The following DSG1 variants were observed in gnomAD, a reference collection of about 807,000 sequenced individuals.
DSG1 encodes desmoglein 1, also known as desmoglein-1.
Under a neutral mutation model 97.5 loss-of-function variants are expected in DSG1, and 39 were observed. The ratio of observed to expected loss-of-function variants is 0.40; its 90% CI spans 0.31 to 0.52. The LOEUF is 0.52. Among genes scored for constraint, DSG1 ranks in the 20% least tolerant of loss-of-function variants. The pLI, the probability that DSG1 is intolerant of heterozygous loss-of-function variation, is 0.53. For missense variants in DSG1, 1,311 were observed against 1,295.4 expected, an observed-to-expected ratio of 1.01 and a Z score of -0.18; for synonymous variants, 475 against 443.4, an observed-to-expected ratio of 1.07 and a Z score of -0.90.
At chr18:31,326,671 A>T (rs2071687691) in intron 2 of DSG1, 55 bp downstream of exon 2, 1 of 1,466,780 alleles carries the variant, frequency 6.8e-7, no homozygotes, top group Non-Finnish European at 9.5e-7. Flanking sequence ...ATAATTTGAG[A>T]ATAACAATAT....
In DSG1 at chr18:31,344,903, G is replaced by T. The variant is rs556884414; in HGVS notation, c.1891+908G>T. On this transcript the variant is annotated intron_variant, in intron 13 of 14. Coordinates refer to ENST00000257192, the MANE Select transcript of DSG1 (RefSeq NM_001942.4). Reference sequence around the variant, plus strand: ...ATTGTTTTCTACTTTAAACTAACAGGCATAGAAATGTGTATAACTTGTAGA... The same window carrying T: ...ATTGTTTTCTACTTTAAACTAACAGTCATAGAAATGTGTATAACTTGTAGA... Among the ~76,000 whole-genome samples, 60 of 152,152 alleles carry T rather than the reference G, an allele frequency of 3.9e-4. 1 individual carries two copies. In the Middle Eastern group the frequency reaches 0.01, roughly 26 times the overall value.
At chr18:31,328,381 T>A in intron 4 of DSG1, 37 bp downstream of exon 4, 1 of 1,587,070 alleles carries the variant, frequency 6.3e-7, no homozygotes, top group Non-Finnish European at 8.6e-7. Context: ...TGTTCATGCT[T>A]AAATTCTTCT....
In DSG1 at chr18:31,343,525, A is replaced by G. The variant is rs915767964; in HGVS notation, c.1763A>G (p.Glu588Gly). ...GCAGCTGGCTTTGAGCCTGTTCCCG[A>G]ATGTTCAGATGGAGCAATTCATTCA... Reference protein sequence around the residue: ...RSAAGFEPVPECSDGAIHSWA... With the variant: ...RSAAGFEPVPGCSDGAIHSWA... The change falls in exon 12 of 15, where the codon GAA becomes GGA. Residue 588 changes from glutamate to glycine, a missense_variant. Glu to Gly is a moderately conservative substitution (Grantham distance 98, BLOSUM62 -2). Coordinates refer to ENST00000257192, the MANE Select transcript of DSG1 (RefSeq NM_001942.4). 3 of 1,614,010 alleles carry G rather than the reference A, an allele frequency of 1.9e-6. No individual in the cohort carries two copies. The African/African-American group carries it at 4.0e-5, about 22-fold the overall frequency.
At position 31,357,928 on chromosome 18, in the gene DSG1, T is replaced by C. The variant is rs184104394; in HGVS notation, c.*2582T>C. On this transcript the variant is annotated 3_prime_UTR_variant, in exon 15 of 15. Coordinates refer to ENST00000257192, the MANE Select transcript of DSG1 (RefSeq NM_001942.4). ...AATTCCCTTTTCAAGACATCAACGA[T>C]TTTAGTAGTTATTTAAAGGCATGTC... Among the ~76,000 whole-genome samples the C allele has an allele frequency of 1.8e-4, 28 of 152,100 alleles. 1 individual carries two copies. Among genetic ancestry groups the C allele is most frequent in the Admixed American group, 1.4e-3 (21 of 15,284 alleles).
At chr18:31,345,545 TC>T (rs1424584022) in intron 13 of DSG1, 1 of 172,474 alleles carries the variant, frequency 5.8e-6, no homozygotes, top group Non-Finnish European at 1.2e-5. Context: ...TGAAAACCTT[TC>T]TCCTCACATA....
Position 31,336,581 on chromosome 18 carries a change from C to T in DSG1, c.1233C>T (p.Asp411=). The T allele has an allele frequency of 6.2e-7, 1 of 1,613,984 alleles. No individual in the cohort carries two copies. The highest frequency in any genetic ancestry group is 8.5e-7 in the Non-Finnish European group (1 of 1,179,944). Residue 411 remains aspartate (D), a synonymous_variant, in exon 9 of 15, where the codon GAC becomes GAT. Coordinates refer to ENST00000257192, the MANE Select transcript of DSG1 (RefSeq NM_001942.4). ...NDKVGDFVAT[D]LDTGRPSTTV... ...AAGTGGGAGACTTTGTAGCTACTGA[C>T]CTGGACACAGGTAGACCTTCAACGA...
In DSG1 at chr18:31,356,576, T is replaced by G. The variant is rs1159962276; in HGVS notation, c.*1230T>G. 1.3e-5 allele frequency: 2 copies of G among 152,220 alleles called. No individual in the cohort carries two copies. The highest frequency in any genetic ancestry group is 2.9e-5 in the Non-Finnish European group (2 of 68,040). 9.4% of individuals were successfully genotyped at this position (152,220 alleles called of 1,614,324 possible). A position where few individuals can be genotyped will look rare whatever the true frequency, so the allele number is the denominator to read the frequency against. Reference sequence around the variant, plus strand: ...AGTGGTTGCTTTAGCAAACCTCTGCTGCCATTTTGCAGGAATCAACCAGGA... The same window carrying G: ...AGTGGTTGCTTTAGCAAACCTCTGCGGCCATTTTGCAGGAATCAACCAGGA... On this transcript the variant is annotated 3_prime_UTR_variant, in exon 15 of 15. Transcript: ENST00000257192.
intron 14 of DSG1, among the ~76,000 whole-genome samples, chr18:31,347,509 C>T (rs1166603165): frequency 6.6e-6 from 1 of 152,172 alleles, no homozygotes; most frequent in Non-Finnish European, 1.5e-5. Flanking sequence ...TAGCTAAGTT[C>T]CAAACACAGA....
At position 31,338,352 on chromosome 18, in the gene DSG1, G is replaced by A; in HGVS notation, c.1303G>A (p.Val435Ile). ...MGNNPADLLA[V>I]DSRTGKLTLK... ...AAATAATCCAGCTGACCTGCTAGCTGTTGATTCAAGAACAGGCAAACTCAC... is the reference window on the plus strand; with the variant it reads ...AAATAATCCAGCTGACCTGCTAGCTATTGATTCAAGAACAGGCAAACTCAC... Residue 435 changes from valine (V) to isoleucine (I), a missense_variant, in exon 10 of 15, where the codon GTT becomes ATT. By Grantham distance (29) the Val-to-Ile change is conservative. Transcript: ENST00000257192. 6.2e-7 allele frequency: 1 copy of A among 1,613,766 alleles called. No individual in the cohort carries two copies. Among genetic ancestry groups the A allele is most frequent in the South Asian group, 1.1e-5 (1 of 91,066 alleles).
intron 14 of DSG1, among the ~76,000 whole-genome samples, chr18:31,352,752 T>A (rs1013541315): frequency 6.7e-6 from 1 of 149,704 alleles, no homozygotes; most frequent in Non-Finnish European, 1.5e-5. Flanking sequence ...TTTCTTCCGG[T>A]TGATCACATC....
Position 31,328,288 on chromosome 18 carries a change from A to C in DSG1, c.316A>C (p.Thr106Pro), listed in dbSNP as rs756653522. 1 of 1,613,558 alleles carries C rather than the reference A, an allele frequency of 6.2e-7. No homozygotes were observed. The stretch of plus-strand genomic sequence containing the variant: ...TGGGATCTTTGTCATTAATCAGAAA[A>C]CTGGTGAAATTAATATAACATCCAT... Reference protein sequence around the residue: ...PYGIFVINQKTGEINITSIVD... With the variant: ...PYGIFVINQKPGEINITSIVD... The change falls in exon 4 of 15, where the codon ACT becomes CCT. Residue 106 changes from threonine to proline, a missense_variant. Around this residue, in one of 3 missense-constraint regions of DSG1, gnomAD observed 259 missense variants for 304.1 expected, o/e 0.85. Transcript: ENST00000257192.
chr18:31,324,291 CTTTTTT>C (rs79009473), intron 1 of DSG1, among the ~76,000 whole-genome samples: 71 of 147,502 alleles, frequency 4.8e-4, no homozygotes, highest in African/African-American at 1.5e-3. Context: ...CCTCTCCTTC[CTTTTTT>C]TTTTTTTTGT....
chr18:31,339,015 T>A (rs781382805), intron 10 of DSG1, among the ~76,000 whole-genome samples: 3 of 152,186 alleles, frequency 2.0e-5, no homozygotes, highest in Admixed American at 2.0e-4. Context: ...CACATCTATG[T>A]AATAAAGATT....
At chr18:31,330,712 G>GT (rs1231282162) in intron 5 of DSG1, among the ~76,000 whole-genome samples, 9 of 152,022 alleles carry the variant, frequency 5.9e-5, no homozygotes, top group African/African-American at 2.2e-4. Flanking sequence ...TAAATCACAT[G>GT]TTTTTTAACA....
At chr18:31,342,228 G>A (rs753131996) in intron 11 of DSG1, among the ~76,000 whole-genome samples, 39 of 152,134 alleles carry the variant, frequency 2.6e-4, no homozygotes, top group Non-Finnish European at 3.1e-4. Context: ...CACCGCGCCC[G>A]TCCTGAGTTG....
At chr18:31,341,960 G>A (rs1448696293) in intron 11 of DSG1, among the ~76,000 whole-genome samples, 3 of 149,864 alleles carry the variant, frequency 2.0e-5, no homozygotes, top group Non-Finnish European at 4.4e-5. Flanking sequence ...TTTTGAGATG[G>A]AGTCTCACTC....
In DSG1 at chr18:31,354,725, C is replaced by T. The variant is rs776411467; in HGVS notation, c.2529C>T (p.Thr843=). 1.7e-5 allele frequency: 28 copies of T among 1,614,066 alleles called. No individual in the cohort carries two copies. The highest frequency in any genetic ancestry group is 1.3e-4 in the East Asian group (6 of 44,888). ...GNVTVTESYT[T]SDTLKPSVHV... ...TCACTGTGACCGAGTCTTACACCACCTCTGACACTCTGAAGCCCTCTGTGC... is the reference window on the plus strand; with the variant it reads ...TCACTGTGACCGAGTCTTACACCACTTCTGACACTCTGAAGCCCTCTGTGC... Residue 843 remains threonine (T), a synonymous_variant, in exon 15 of 15, where the codon ACC becomes ACT. Coordinates refer to ENST00000257192, the MANE Select transcript of DSG1 (RefSeq NM_001942.4).
chr18:31,334,643 CGT>C (rs1474593051), intron 8 of DSG1, among the ~76,000 whole-genome samples: 3 of 152,180 alleles, frequency 2.0e-5, no homozygotes, highest in East Asian at 1.9e-4. Flanking sequence ...ATTCCTCCCG[CGT>C]GTTTTCATAA....
chr18:31,354,745 C>G lies in DSG1; in HGVS notation c.2549C>G (p.Ser850Cys), dbSNP rs1466024347. ...ACCACCTCTGACACTCTGAAGCCCTCTGTGCACGTTCACGATAACCGACCA... is the reference window on the plus strand; with the variant it reads ...ACCACCTCTGACACTCTGAAGCCCTGTGTGCACGTTCACGATAACCGACCA... Reference protein sequence around the residue: ...SYTTSDTLKPSVHVHDNRPAS... With the variant: ...SYTTSDTLKPCVHVHDNRPAS... Residue 850 changes from serine (S) to cysteine (C), a missense_variant, in exon 15 of 15, where the codon TCT (serine) becomes TGT (cysteine). Physicochemically the swap from Ser to Cys is moderately radical, Grantham distance 112 (BLOSUM62 -1). Coordinates refer to ENST00000257192, the MANE Select transcript of DSG1 (RefSeq NM_001942.4). 1 of 1,614,202 alleles carries G rather than the reference C, an allele frequency of 6.2e-7. No individual in the cohort carries two copies.
Sources: allele counts gnomAD v4.1 joint callset (sites outside exome capture counted in the v4.1 genomes callset), GRCh38; gene constraint gnomAD v4.1.1; regional missense constraint gnomAD v4.1.1; transcripts MANE v1.5; gene names NCBI Gene and HGNC (gene_info 2026-07-23, HGNC 2026-07-21).